Variants in LRRC31 observed in about 807,000 individuals in gnomAD.
LRRC31 encodes the protein leucine rich repeat containing 31.
A neutral mutation model predicts 46.7 loss-of-function variants in LRRC31; 35 were observed. The observed-to-expected ratio is 0.75, with a 90% CI of 0.57 to 0.99. The LOEUF (loss-of-function observed/expected upper bound fraction) is 0.99. Among genes scored for constraint, LRRC31 ranks in the 50% least tolerant of loss-of-function variants. The pLI is 0.00. For missense variants in LRRC31, 613 were observed against 626.1 expected, an observed-to-expected ratio of 0.98 and a Z score of 0.22; for synonymous variants, 236 against 235.1, an observed-to-expected ratio of 1.00 and a Z score of -0.03.
intron 3 of LRRC31, 64 bp from the exon 4 acceptor site, chr3:169,856,936 G>C: frequency 6.7e-7 from 1 of 1,485,206 alleles, no homozygotes; most frequent in Non-Finnish European, 9.2e-7. Context: ...ATTCATTTCA[G>C]AATCAGCACA....
rs1050248835 is a variant in LRRC31 at position 169,856,344 on chromosome 3, T to C, written c.815A>G (p.Lys272Arg). Residue 272 changes from lysine (K) to arginine (R), a missense_variant, in exon 5 of 9, where the codon AAA (lysine) becomes AGA (arginine). By Grantham distance (26) the Lys-to-Arg change is conservative. Coordinates refer to ENST00000316428, the MANE Select transcript of LRRC31 (RefSeq NM_024727.4). Reference protein sequence around the residue: ...HSCGLSQKSVKILDAAFRYLG... With the variant: ...HSCGLSQKSVRILDAAFRYLG... Reference sequence around the variant, plus strand: ...AGCCATTGTTAACTCACCCAATATTTTGACACTCTTTTGTGATAATCCACA... The same window carrying C: ...AGCCATTGTTAACTCACCCAATATTCTGACACTCTTTTGTGATAATCCACA... The C allele has an allele frequency of 1.1e-5, 18 of 1,569,846 alleles. No homozygotes were observed. Among genetic ancestry groups the C allele is most frequent in the Non-Finnish European group, 1.6e-5 (18 of 1,157,958 alleles).
At position 169,856,766 on chromosome 3, in the gene LRRC31, G is replaced by C; in HGVS notation, c.594C>G (p.Ser198Arg). ...CCACAAGCTCAATCATTTGTATCTT[G>C]CTCCCTTTTTGGAACTTCTGAAGGA... ...PLILQKFQKGSKIQMIELVDC... is the reference protein window; with the variant it reads ...PLILQKFQKGRKIQMIELVDC... The change falls in exon 4 of 9, where the codon AGC (serine) becomes AGG (arginine). Residue 198 changes from serine (S) to arginine (R), a missense_variant. By Grantham distance (110) the Ser-to-Arg change is moderately radical. Coordinates refer to ENST00000316428, the MANE Select transcript of LRRC31 (RefSeq NM_024727.4). 6.2e-7 allele frequency: 1 copy of C among 1,607,218 alleles called. No homozygotes were observed. The highest frequency in any genetic ancestry group is 1.1e-5 in the South Asian group (1 of 89,820).
At chr3:169,849,289 A>G (rs1237566514) in intron 7 of LRRC31, among the ~76,000 whole-genome samples, 1 of 152,220 alleles carries the variant, frequency 6.6e-6, no homozygotes, top group Non-Finnish European at 1.5e-5. Context: ...TTCTTCTAAA[A>G]GTGATGTAGG....
chr3:169,846,900 C>T (rs565097123), intron 8 of LRRC31, among the ~76,000 whole-genome samples: 24 of 152,150 alleles, frequency 1.6e-4, no homozygotes, highest in South Asian at 2.1e-4. Flanking sequence ...TGCTTCCAAC[C>T]GTAAGTCCTG....
rs1290919642 is a variant in LRRC31 at position 169,869,935 on chromosome 3, T to C, written c.-128A>G. On this transcript the variant is annotated 5_prime_UTR_variant, in exon 1 of 9. Transcript: ENST00000316428. ...ATCAAAATATCCTCCCCTACATGACTGCCCCCCACTCCCTGCCGCACCACC... is the reference window on the plus strand; with the variant it reads ...ATCAAAATATCCTCCCCTACATGACCGCCCCCCACTCCCTGCCGCACCACC... 1.5e-6 allele frequency: 1 copy of C among 659,162 alleles called. No individual in the cohort carries two copies. The highest frequency in any genetic ancestry group is 3.7e-5 in the Admixed American group (1 of 27,286). The allele number at this position is 659,162 out of a possible 1,614,324, so 40.8% of individuals were successfully genotyped here.
intron 7 of LRRC31, among the ~76,000 whole-genome samples, chr3:169,851,147 C>T (rs1273533073): frequency 1.3e-5 from 2 of 152,124 alleles, no homozygotes; most frequent in South Asian, 2.1e-4. Context: ...ATCCCAGATC[C>T]TCACCATGTC....
chr3:169,845,735 T>G (rs10049456), intron 8 of LRRC31, among the ~76,000 whole-genome samples: 71,087 of 151,958 alleles, frequency 0.47, 17,667 homozygotes, highest in East Asian at 0.74. Flanking sequence ...AAATATAAAA[T>G]GCAAATACAA....
chr3:169,841,731 C>T (rs923715877), intron 8 of LRRC31, among the ~76,000 whole-genome samples: 1 of 152,154 alleles, frequency 6.6e-6, no homozygotes, highest in African/African-American at 2.4e-5. Flanking sequence ...AGTCCCCTTT[C>T]TTCTACTTTT....
chr3:169,860,825 ACTG>A, intron 2 of LRRC31, 97 bp from the exon 3 acceptor site: 1 of 1,276,972 alleles, frequency 7.8e-7, no homozygotes, highest in Non-Finnish European at 1.1e-6. Flanking sequence ...ATAGTTTTAC[ACTG>A]TAAGAGAATA....
chr3:169,856,840 C>T lies in LRRC31; in HGVS notation c.520G>A (p.Glu174Lys), dbSNP rs201729104. 699 of 1,610,350 alleles carry T rather than the reference C, an allele frequency of 4.3e-4. 3 individuals carry two copies. The African/African-American group carries it at 8.1e-3, about 19-fold the overall frequency. The change falls in exon 4 of 9, where the codon GAG becomes AAG. Residue 174 changes from glutamate to lysine, a missense_variant. Coordinates refer to ENST00000316428, the MANE Select transcript of LRRC31 (RefSeq NM_024727.4). ...EAFEMIPELE[E>K]LNLSWNSKVG... The stretch of plus-strand genomic sequence containing the variant: ...TTACTGTTCCAAGACAAATTTAGCT[C>T]TTCAAGTTCAGGAATCATCTCAAAT...
chr3:169,868,786 G>A lies in LRRC31; in HGVS notation c.175+847C>T, dbSNP rs79899414. On this transcript the variant is annotated intron_variant, in intron 1 of 8. Transcript: ENST00000316428. ...AGTAACATAATAAATGATTAGCACA[G>A]AGACTCATAGTTGAGTCTTTAGTCT... Among the ~76,000 whole-genome samples the A allele has an allele frequency of 2.1e-4, 32 of 152,246 alleles. No homozygotes were observed. The East Asian group carries it at 5.8e-3, about 28-fold the overall frequency.
chr3:169,869,581 A>T (rs1781427869), intron 1 of LRRC31, 52 bp downstream of exon 1: 2 of 1,484,398 alleles, frequency 1.3e-6, no homozygotes, highest in African/African-American at 2.8e-5. Flanking sequence ...TAAATGTGGA[A>T]GTAAAAACAA....
At chr3:169,867,051 G>GTTTTT (rs1426034836) in intron 1 of LRRC31, among the ~76,000 whole-genome samples, 1 of 97,468 alleles carries the variant, frequency 1.0e-5, no homozygotes, top group African/African-American at 8.6e-5. Flanking sequence ...TTTTTTGTTT[G>GTTTTT]TTTGTTTGTT....
chr3:169,867,203 A>G (rs1042518645), intron 1 of LRRC31, among the ~76,000 whole-genome samples: 7 of 148,312 alleles, frequency 4.7e-5, no homozygotes, highest in African/African-American at 1.8e-4. Context: ...GGCATGCACC[A>G]CCATGCCCAG....
At chr3:169,859,295 CA>C (rs1171318541) in intron 3 of LRRC31, among the ~76,000 whole-genome samples, 2,174 of 63,764 alleles carry the variant, frequency 0.034, 62 homozygotes, top group African/African-American at 0.12. Flanking sequence ...AACACCGTCT[CA>C]AAAAAAAAAA....
intron 8 of LRRC31, among the ~76,000 whole-genome samples, chr3:169,844,398 A>G (rs1483311717): frequency 6.6e-6 from 1 of 152,154 alleles, no homozygotes; most frequent in Admixed American, 6.5e-5. Context: ...TAATTTGACA[A>G]AATTCGTTAT....
At chr3:169,861,070 CTTTTT>C (rs11337221) in intron 2 of LRRC31, among the ~76,000 whole-genome samples, 2 of 124,992 alleles carry the variant, frequency 1.6e-5, no homozygotes, top group African/African-American at 3.0e-5. Flanking sequence ...TTTTCTTTTC[CTTTTT>C]TTTTTTTTTT....
At position 169,861,808 on chromosome 3, in the gene LRRC31, G is replaced by T; in HGVS notation, c.181C>A (p.Pro61Thr). The T allele has an allele frequency of 1.2e-6, 2 of 1,613,054 alleles. No individual in the cohort carries two copies. The highest frequency in any genetic ancestry group is 1.3e-5 in the African/African-American group (1 of 74,984). Reference protein sequence around the residue: ...QKTATSETAKPLSSEMEWRSS... With the variant: ...QKTATSETAKTLSSEMEWRSS... ...CTCCATTCCATTTCTGAACTGAGAG[G>T]CTTAGCTGTGTGATAAGCATAAAAA... Residue 61 changes from proline (P) to threonine (T), a missense_variant, in exon 2 of 9, where the codon CCT becomes ACT. Pro to Thr is a conservative substitution (Grantham distance 38). Transcript: ENST00000316428.
chr3:169,869,071 T>G (rs922223299), intron 1 of LRRC31, among the ~76,000 whole-genome samples: 8 of 150,734 alleles, frequency 5.3e-5, no homozygotes, highest in African/African-American at 1.9e-4. Context: ...TATTGCACAT[T>G]TAAAAATAAC....
Sources: gnomAD v4.1 joint callset for allele counts (sites outside exome capture counted in the v4.1 genomes callset) on GRCh38, gnomAD v4.1.1 for gene constraint, MANE v1.5 for transcripts, NCBI Gene and HGNC (gene_info 2026-07-23, HGNC 2026-07-21) for gene names.